TRIM35: variants seen among roughly 807,000 people sequenced by gnomAD.
The protein encoded by TRIM35 is tripartite motif containing 35, also known as E3 ubiquitin-protein ligase TRIM35.
A neutral mutation model predicts 49.1 loss-of-function variants in TRIM35; 37 were observed. The ratio of observed to expected loss-of-function variants is 0.75; its 90% CI spans 0.58 to 0.99. TRIM35 has a LOEUF of 0.99. Among genes scored for constraint, TRIM35 ranks in the 50% least tolerant of loss-of-function variants. The pLI is 0.00. For synonymous variants in TRIM35, 302 were observed against 289.3 expected (o/e 1.04, Z -0.45); for missense variants, 648 against 702.7 (o/e 0.92, Z 0.88).
Position 27,289,106 on chromosome 8 carries a change from G to A in TRIM35, c.904+56C>T. The A allele has an allele frequency of 3.4e-6, 5 of 1,469,152 alleles. No individual in the cohort carries two copies. The South Asian group carries it at 5.8e-5, about 17-fold the overall frequency. The allele number at this position is 1,469,152 out of a possible 1,614,324, so 91.0% of individuals were successfully genotyped here. On this transcript the variant is annotated intron_variant, in intron 5 of 5. Coordinates refer to ENST00000305364, the MANE Select transcript of TRIM35 (RefSeq NM_171982.5). ...CAGAGACCAGCCCTGGTGCCTCTTTGCTAACATGAAGGGCTTCCACCCATG... is the reference window on the plus strand; with the variant it reads ...CAGAGACCAGCCCTGGTGCCTCTTTACTAACATGAAGGGCTTCCACCCATG...
intron 1 of TRIM35, 83 bp downstream of exon 1, chr8:27,310,718 G>T: frequency 7.0e-7 from 1 of 1,434,452 alleles, no homozygotes. Context: ...GCTCTGGCAG[G>T]CAGGAGGGGC....
At chr8:27,298,664 G>T in intron 1 of TRIM35, 105 bp from the exon 2 acceptor site, 1 of 916,484 alleles carries the variant, frequency 1.1e-6, no homozygotes, top group Non-Finnish European at 1.8e-6. Context: ...TTCAACACAA[G>T]TGTAACTCAA....
chr8:27,304,156 A>C (rs2130309405), intron 1 of TRIM35, among the ~76,000 whole-genome samples: 1 of 152,346 alleles, frequency 6.6e-6, no homozygotes, highest in Non-Finnish European at 1.5e-5. Context: ...ACTTTACAAA[A>C]TCACGTTACC....
chr8:27,298,362 A>G (rs1802612456), intron 2 of TRIM35, 102 bp downstream of exon 2: 2 of 1,081,966 alleles, frequency 1.8e-6, no homozygotes, highest in Admixed American at 1.8e-5. Flanking sequence ...ACCTCTACCC[A>G]GCGGGTTATG....
intron 4 of TRIM35, 79 bp downstream of exon 4, chr8:27,290,077 G>A (rs1378302790): frequency 1.3e-6 from 2 of 1,548,324 alleles, no homozygotes; most frequent in Admixed American, 1.8e-5. Context: ...TTACCTGCTT[G>A]CCCCGGGGCC....
chr8:27,305,894 T>C (rs1251120372), intron 1 of TRIM35, among the ~76,000 whole-genome samples: 2 of 152,178 alleles, frequency 1.3e-5, no homozygotes, highest in South Asian at 2.1e-4. Flanking sequence ...CTGGATGCAG[T>C]GGCCCAGTCA....
At chr8:27,309,874 C>T (rs1160164899) in intron 1 of TRIM35, among the ~76,000 whole-genome samples, 5 of 151,418 alleles carry the variant, frequency 3.3e-5, no homozygotes, top group Non-Finnish European at 5.9e-5. Flanking sequence ...TGCCTGTAAT[C>T]TCAGCTACTC....
rs34388696 is a variant in TRIM35 at position 27,285,666 on chromosome 8, TAAA to T, written c.*1881_*1883del. The T allele has an allele frequency of 6.8e-4, 70 of 102,718 alleles. No homozygotes were observed. The highest frequency in any genetic ancestry group is 2.4e-3 in the African/African-American group (64 of 26,382). 6.4% of individuals were successfully genotyped at this position (102,718 alleles called of 1,614,324 possible). A position where few individuals can be genotyped will look rare whatever the true frequency, so the allele number is the denominator to read the frequency against. ...GCCTAGCCTGCTCAAGTTATCCTGTTAAAAAAAAAAAAAAAAAAAAAACTCTTC... is the reference window on the plus strand; with the variant it reads ...GCCTAGCCTGCTCAAGTTATCCTGTTAAAAAAAAAAAAAAAAAAACTCTTC... On this transcript the variant is annotated 3_prime_UTR_variant, in exon 6 of 6. Coordinates refer to ENST00000305364, the MANE Select transcript of TRIM35 (RefSeq NM_171982.5).
In TRIM35 at chr8:27,298,538, G is replaced by A; in HGVS notation, c.457C>T (p.His153Tyr). 6.2e-7 allele frequency: 1 copy of A among 1,614,214 alleles called. No individual in the cohort carries two copies. Among genetic ancestry groups the A allele is most frequent in the Non-Finnish European group, 8.5e-7 (1 of 1,180,016 alleles). ...GCCTTGGCCTTCTCCCGCAGTGCAT[G>A]CTCCATGTTCCTGCACTTGGCCTGA... ...DFRAKCRNME[H>Y]ALREKAKAFW... is the part of the protein sequence containing the mutation. Residue 153 changes from histidine (H) to tyrosine (Y), a missense_variant, in exon 2 of 6, where the codon CAT (histidine) becomes TAT (tyrosine). Physicochemically the swap from His to Tyr is moderately conservative, Grantham distance 83 (BLOSUM62 2). Coordinates refer to ENST00000305364, the MANE Select transcript of TRIM35 (RefSeq NM_171982.5).
chr8:27,304,747 T>C lies in TRIM35; in HGVS notation c.435+6054A>G, dbSNP rs1412455534. Reference sequence around the variant, plus strand: ...ATGAGTACATGGAATGCCTGTGTTTTTTCTGCTATATACCTTGCCTCCTGG... The same window carrying C: ...ATGAGTACATGGAATGCCTGTGTTTCTTCTGCTATATACCTTGCCTCCTGG... On this transcript the variant is annotated intron_variant, in intron 1 of 5. Transcript: ENST00000305364. 45 of 433,220 alleles carry C rather than the reference T, an allele frequency of 1.0e-4. No homozygotes were observed. The Admixed American group carries it at 1.2e-3, about 11-fold the overall frequency. 26.8% of individuals were successfully genotyped at this position (433,220 alleles called of 1,614,324 possible). A position where few individuals can be genotyped will look rare whatever the true frequency, so the allele number is the denominator to read the frequency against.
intron 4 of TRIM35, 44 bp downstream of exon 4, chr8:27,290,112 T>A: frequency 1.2e-6 from 2 of 1,613,292 alleles, no homozygotes; most frequent in Middle Eastern, 1.7e-4. Flanking sequence ...CCCTGGTATT[T>A]CTGCCCACTC....
chr8:27,304,321 C>CCA, intron 1 of TRIM35, among the ~76,000 whole-genome samples: 1 of 152,354 alleles, frequency 6.6e-6, no homozygotes, highest in Middle Eastern at 3.4e-3. Flanking sequence ...CCAGCTCTGT[C>CCA]TGGCCTGAGC....
chr8:27,306,070 C>A (rs1359469720), intron 1 of TRIM35, among the ~76,000 whole-genome samples: 1 of 152,122 alleles, frequency 6.6e-6, no homozygotes, highest in Non-Finnish European at 1.5e-5. Flanking sequence ...CTCAGCCTCC[C>A]CAAGCACTGG....
At chr8:27,298,351 G>A in intron 2 of TRIM35, 113 bp downstream of exon 2, 3 of 954,722 alleles carry the variant, frequency 3.1e-6, no homozygotes, top group Admixed American at 2.0e-5. Context: ...TAAGGCAGCC[G>A]ACCTCTACCC....
At position 27,294,256 on chromosome 8, in the gene TRIM35, C is replaced by G; in HGVS notation, c.586G>C (p.Glu196Gln). 6.2e-7 allele frequency: 1 copy of G among 1,614,174 alleles called. No homozygotes were observed. Among genetic ancestry groups the G allele is most frequent in the Non-Finnish European group, 8.5e-7 (1 of 1,180,052 alleles). The change falls in exon 3 of 6, where the codon GAG (glutamate) becomes CAG (glutamine). Residue 196 changes from glutamate (E) to glutamine (Q), a missense_variant. By Grantham distance (29) the Glu-to-Gln change is conservative. Transcript: ENST00000305364. ...GCCTGCTCCTCCACTCTCAAGAACT[C>G]GCGAAGCTTATCAAACTCCTGCCGG... Reference protein sequence around the residue: ...RIRQEFDKLREFLRVEEQAIL... With the variant: ...RIRQEFDKLRQFLRVEEQAIL...
At chr8:27,304,219 G>T (rs1318285737) in intron 1 of TRIM35, among the ~76,000 whole-genome samples, 1 of 152,218 alleles carries the variant, frequency 6.6e-6, no homozygotes. Flanking sequence ...GAAGCAGGAA[G>T]GTAGGGGCAA....
At chr8:27,307,883 C>T (rs1194321432) in intron 1 of TRIM35, among the ~76,000 whole-genome samples, 5 of 152,166 alleles carry the variant, frequency 3.3e-5, no homozygotes, top group African/African-American at 7.2e-5. Flanking sequence ...CCATTCTAAT[C>T]CCCAGAATCT....
Position 27,298,554 on chromosome 8 carries a change from C to T in TRIM35, c.441G>A (p.Lys147=). The part of the protein sequence containing the change: ...VKDTAHDFRA[K]CRNMEHALRE... ...GCAGTGCATGCTCCATGTTCCTGCA[C>T]TTGGCCTGACATGGGAATGAGAGAG... Residue 147 remains lysine (K), a synonymous_variant, in exon 2 of 6, where the codon AAG becomes AAA. Transcript: ENST00000305364. The T allele has an allele frequency of 6.2e-7, 1 of 1,614,062 alleles. No homozygotes were observed. The highest frequency in any genetic ancestry group is 1.3e-5 in the African/African-American group (1 of 75,056).
At chr8:27,288,365 CA>C (rs1554549969) in intron 5 of TRIM35, among the ~76,000 whole-genome samples, 5 of 152,190 alleles carry the variant, frequency 3.3e-5, no homozygotes, top group Admixed American at 6.5e-5. Flanking sequence ...TGGTTGTACA[CA>C]TATTAGTTAA....
Sources: gnomAD v4.1 joint callset for allele counts (sites outside exome capture counted in the v4.1 genomes callset) on GRCh38, gnomAD v4.1.1 for gene constraint, MANE v1.5 for transcripts, NCBI Gene and HGNC (gene_info 2026-07-23, HGNC 2026-07-21) for gene names.